Variants in MTMR10 observed in about 807,000 individuals in gnomAD.
The protein encoded by MTMR10 is myotubularin related protein 10.
Under a neutral mutation model 88.1 loss-of-function variants are expected in MTMR10, and 56 were observed. That is an observed-to-expected ratio of 0.64 (90% CI 0.51 to 0.79). The LOEUF is 0.79. Ranked by LOEUF, MTMR10 falls within the 30% of genes least tolerant of loss-of-function variation. The pLI, the probability that MTMR10 is intolerant of heterozygous loss-of-function variation, is 0.00. For missense variants in MTMR10, 883 were observed against 924.7 expected (o/e 0.95, Z 0.58); for synonymous variants, 380 against 340.9 (o/e 1.11, Z -1.26).
At chr15:30,961,388 C>T (rs2063400217) in intron 6 of MTMR10, among the ~76,000 whole-genome samples, 1 of 152,130 alleles carries the variant, frequency 6.6e-6, no homozygotes, top group African/African-American at 2.4e-5. Flanking sequence ...CACCTGCCAC[C>T]ATGCACCATG....
chr15:30,937,282 T>A, downstream of MTMR10: 1 of 1,590,662 alleles, frequency 6.3e-7, no homozygotes, highest in Non-Finnish European at 8.5e-7. Context: ...GGATATTTGG[T>A]CATACATTAA....
At chr15:30,968,832 G>C (rs2063503430) in intron 5 of MTMR10, among the ~76,000 whole-genome samples, 2 of 152,034 alleles carry the variant, frequency 1.3e-5, no homozygotes, top group African/African-American at 4.8e-5. Context: ...ATAGAAATAT[G>C]GCTGTTATTA....
chr15:30,941,292 C>T lies in MTMR10; in HGVS notation c.*178G>A, dbSNP rs950873439. On this transcript the variant is annotated 3_prime_UTR_variant, in exon 16 of 16. Coordinates refer to ENST00000435680, the MANE Select transcript of MTMR10 (RefSeq NM_017762.3). ...AAGAGGACAGGAACAAAATTTACAT[C>T]TCTCTTAAAATAAGTGTGAAAGAAG... is the stretch of plus-strand genomic sequence containing the variant. 1 of 1,512,120 alleles carries T rather than the reference C, an allele frequency of 6.6e-7. No homozygotes were observed. The highest frequency in any genetic ancestry group is 1.4e-5 in the African/African-American group (1 of 72,680). 93.7% of individuals were successfully genotyped at this position (1,512,120 alleles called of 1,614,324 possible). A position where few individuals can be genotyped will look rare whatever the true frequency, so the allele number is the denominator to read the frequency against.
At chr15:30,954,298 C>T (rs1207009120) in intron 10 of MTMR10, among the ~76,000 whole-genome samples, 1 of 152,210 alleles carries the variant, frequency 6.6e-6, no homozygotes, top group Admixed American at 6.5e-5. Context: ...ACCAAAGATG[C>T]TTTCATGTGA....
chr15:30,940,521 G>C lies in MTMR10; in HGVS notation c.*949C>G. 3 of 985,464 alleles carry C rather than the reference G, an allele frequency of 3.0e-6. No homozygotes were observed. Among genetic ancestry groups the C allele is most frequent in the Non-Finnish European group, 2.4e-6 (2 of 829,960 alleles). The allele number at this position is 985,464 out of a possible 1,614,324, so 61.0% of individuals were successfully genotyped here. A position where few individuals can be genotyped will look rare whatever the true frequency, so the allele number is the denominator to read the frequency against. ...TTTCCAGGGGGAAGTGCCAGCAATA[G>C]TTTACCACACTGGAAATACTGATGG... On this transcript the variant is annotated 3_prime_UTR_variant, in exon 16 of 16. Transcript: ENST00000435680.
the MTMR10 span, chr15:30,925,954 T>C: frequency 1.2e-6 from 2 of 1,613,554 alleles, no homozygotes; most frequent in African/African-American, 1.3e-5. Context: ...CTGAGCAGGC[T>C]TTCTCTTGTG....
At chr15:30,975,780 A>G (rs187707960) in intron 3 of MTMR10, among the ~76,000 whole-genome samples, 3 of 152,242 alleles carry the variant, frequency 2.0e-5, no homozygotes. Flanking sequence ...TACTTACACT[A>G]AACTATTAGA....
the MTMR10 span, among the ~76,000 whole-genome samples, chr15:30,932,756 C>A: frequency 6.7e-6 from 1 of 150,086 alleles, no homozygotes; most frequent in Admixed American, 6.6e-5. Context: ...CTCTGTCGCC[C>A]AGACTGGAGT....
Position 30,947,146 on chromosome 15 carries a change from C to T in MTMR10, c.1532G>A (p.Arg511Gln), listed in dbSNP as rs747096897. 9.3e-6 allele frequency: 15 copies of T among 1,606,188 alleles called. No homozygotes were observed. Among genetic ancestry groups the T allele is most frequent in the East Asian group, 8.9e-5 (4 of 44,738 alleles). Residue 511 changes from arginine to glutamine, a missense_variant, in exon 14 of 16, where the codon CGA becomes CAA. Physicochemically the swap from Arg to Gln is conservative, Grantham distance 43 (BLOSUM62 1). Around this residue, in one of 3 missense-constraint regions of MTMR10, gnomAD observed 126 missense variants for 178.2 expected, o/e 0.71. Transcript: ENST00000435680. ...GTTGCTTACCGTGCTTTGCTTCACT[C>T]GCTGGTGAGGGGAGTTGAACAGGAA... ...GTFLFNSPHQ[R>Q]VKQSTEFAIS...
intron 9 of MTMR10, among the ~76,000 whole-genome samples, chr15:30,957,159 C>T (rs2063338988): frequency 6.6e-6 from 1 of 151,894 alleles, no homozygotes; most frequent in South Asian, 2.1e-4. Context: ...TGTTCATTTA[C>T]TCCTCATTTA....
At chr15:30,948,672 G>A in intron 12 of MTMR10, 1 of 585,440 alleles carries the variant, frequency 1.7e-6, no homozygotes, top group Non-Finnish European at 3.0e-6. Flanking sequence ...AATAGGAGAT[G>A]GTCTTTTATA....
At chr15:30,920,631 T>C in the MTMR10 span, 1 of 1,608,860 alleles carries the variant, frequency 6.2e-7, no homozygotes, top group Non-Finnish European at 8.5e-7. Context: ...GTGGAAATAC[T>C]GCAGAGACTT....
rs890693830 is a variant in MTMR10 at position 30,972,334 on chromosome 15, A to C, written c.474+1980T>G. On this transcript the variant is annotated intron_variant, in intron 5 of 15. Transcript: ENST00000435680. ...ACCCTGTTTGAAATGCGTAAATCCC[A>C]AAAAAACTATTTATATTCTCATTGC... Among the ~76,000 whole-genome samples the C allele has an allele frequency of 2.0e-5, 3 of 152,122 alleles. No homozygotes were observed. In the South Asian group the frequency reaches 6.2e-4, roughly 31 times the overall value.
Position 30,941,451 on chromosome 15 carries a change from G to C in MTMR10, c.*19C>G. The stretch of plus-strand genomic sequence containing the variant: ...AAAAGTTGACAGCTTCCCTCAAAAT[G>C]TTCAGAAAACACCCTATTTTAGTCT... On this transcript the variant is annotated 3_prime_UTR_variant, in exon 16 of 16. Coordinates refer to ENST00000435680, the MANE Select transcript of MTMR10 (RefSeq NM_017762.3). The C allele has an allele frequency of 6.3e-7, 1 of 1,583,866 alleles. No individual in the cohort carries two copies. Among genetic ancestry groups the C allele is most frequent in the Non-Finnish European group, 8.6e-7 (1 of 1,166,156 alleles).
intron 6 of MTMR10, among the ~76,000 whole-genome samples, chr15:30,964,360 C>G (rs1309664225): frequency 6.6e-6 from 1 of 152,222 alleles, no homozygotes; most frequent in Non-Finnish European, 1.5e-5. Flanking sequence ...GATTGTTTCT[C>G]TGGCCAAATT....
the MTMR10 span, chr15:30,930,422 T>TG: frequency 8.6e-7 from 1 of 1,159,444 alleles, no homozygotes; most frequent in Non-Finnish European, 1.2e-6. Flanking sequence ...ATGGTGGGCC[T>TG]GGGGTCCATG....
intron 7 of MTMR10, among the ~76,000 whole-genome samples, chr15:30,960,277 C>G (rs981671595): frequency 8.3e-3 from 1 of 120 alleles, no homozygotes; most frequent in Non-Finnish European, 0.022. Context: ...ATGAGAGAGA[C>G]ACAGCCCAGC....
intron 2 of MTMR10, among the ~76,000 whole-genome samples, chr15:30,979,890 T>C (rs2030441058): frequency 6.6e-6 from 1 of 152,280 alleles, no homozygotes; most frequent in African/African-American, 2.4e-5. Context: ...ACCTTGTTTT[T>C]GTAAATGAAA....
the MTMR10 span, chr15:30,925,377 G>A: frequency 3.9e-6 from 5 of 1,278,050 alleles, no homozygotes; most frequent in African/African-American, 1.5e-5. Flanking sequence ...GCTGTTTTGA[G>A]TGTGTGTTTT....
Sources: gnomAD v4.1 joint callset for allele counts (sites outside exome capture counted in the v4.1 genomes callset) on GRCh38, gnomAD v4.1.1 for gene constraint, gnomAD v4.1.1 regional missense constraint, MANE v1.5 for transcripts, NCBI Gene and HGNC (gene_info 2026-07-23, HGNC 2026-07-21) for gene names.